PCDHA7: variants seen among roughly 807,000 people sequenced by gnomAD.
The protein encoded by PCDHA7 is protocadherin alpha 7, also known as protocadherin alpha-7.
Under a neutral mutation model 57.2 loss-of-function variants are expected in PCDHA7, and 37 were observed. That is an observed-to-expected ratio of 0.65 (90% CI 0.50 to 0.85). PCDHA7 has a LOEUF of 0.85. Among genes scored for constraint, PCDHA7 ranks in the 40% least tolerant of loss-of-function variants. PCDHA7 has a pLI of 0.00. For synonymous variants in PCDHA7, 553 were observed against 558.8 expected (o/e 0.99, Z 0.15); for missense variants, 1,188 against 1,241.8 (o/e 0.96, Z 0.65).
chr5:140,877,268 C>T, intron 1 of PCDHA7: 1 of 1,613,828 alleles, frequency 6.2e-7, no homozygotes, highest in South Asian at 1.1e-5. Flanking sequence ...GCGGTGGACG[C>T]TGACTCCGGC....
At chr5:140,929,276 G>A (rs1554206920) in intron 1 of PCDHA7, 2 of 1,604,822 alleles carry the variant, frequency 1.2e-6, no homozygotes, top group African/African-American at 1.3e-5. Flanking sequence ...CCAATATCCT[G>A]TATTCAGATT....
chr5:140,883,787 T>C (rs2059820580), intron 1 of PCDHA7: 2 of 1,612,408 alleles, frequency 1.2e-6, no homozygotes, highest in Non-Finnish European at 1.7e-6. Context: ...GCTGTCGAGC[T>C]ACGTGTCGGT....
chr5:140,843,822 A>T, intron 1 of PCDHA7: 1 of 1,214,324 alleles, frequency 8.2e-7, no homozygotes, highest in Non-Finnish European at 1.2e-6. Context: ...GTGAAAATTT[A>T]AACATTGTTT....
At chr5:140,869,355 G>A (rs782391359) in intron 1 of PCDHA7, 19 of 1,614,012 alleles carry the variant, frequency 1.2e-5, no homozygotes, top group Admixed American at 1.7e-5. Context: ...ATGGCATTTT[G>A]TTTGTGAATT....
intron 1 of PCDHA7, among the ~76,000 whole-genome samples, chr5:140,934,422 A>G (rs2089824417): frequency 1.3e-5 from 2 of 152,176 alleles, no homozygotes; most frequent in South Asian, 2.1e-4. Flanking sequence ...TGCATTATCA[A>G]TGCAAGTGTA....
chr5:140,921,268 C>G (rs2080134153), intron 1 of PCDHA7, among the ~76,000 whole-genome samples: 1 of 151,980 alleles, frequency 6.6e-6, no homozygotes, highest in Non-Finnish European at 1.5e-5. Context: ...GACTTTTATA[C>G]TTACTTGAAA....
chr5:140,863,256 C>T (rs761621534), intron 1 of PCDHA7: 6 of 1,442,182 alleles, frequency 4.2e-6, no homozygotes, highest in Non-Finnish European at 4.7e-6. Flanking sequence ...GCGTCGAGGT[C>T]CGGGAGGCAG....
chr5:140,834,585 T>C lies in PCDHA7; in HGVS notation c.202T>C (p.Cys68Arg). The change falls in exon 1 of 4, where the codon TGC becomes CGC. Residue 68 changes from cysteine (C) to arginine (R), a missense_variant. Physicochemically the swap from Cys to Arg is radical, Grantham distance 180 (BLOSUM62 -3). Around this residue, in one of 3 missense-constraint regions of PCDHA7, gnomAD observed 194 missense variants for 185.8 expected, o/e 1.04. Transcript: ENST00000525929. Reference protein sequence around the residue: ...ELVPRLFRAVCKFRGDLLEVN... With the variant: ...ELVPRLFRAVRKFRGDLLEVN... ...GGTGCCGCGCCTGTTCCGGGCGGTG[T>C]GCAAATTCCGTGGGGATCTTCTGGA... 6.2e-7 allele frequency: 1 copy of C among 1,614,126 alleles called. No homozygotes were observed. Among genetic ancestry groups the C allele is most frequent in the South Asian group, 1.1e-5 (1 of 91,086 alleles).
intron 1 of PCDHA7, among the ~76,000 whole-genome samples, chr5:140,931,204 A>G (rs782790968): frequency 7.2e-5 from 11 of 152,176 alleles, no homozygotes; most frequent in Non-Finnish European, 1.5e-4. Context: ...CAATGCTAGT[A>G]TTTCAGGTAT....
intron 3 of PCDHA7, among the ~76,000 whole-genome samples, chr5:140,986,342 C>G (rs1390823261): frequency 4.6e-5 from 7 of 152,184 alleles, no homozygotes; most frequent in African/African-American, 1.7e-4. Flanking sequence ...ACAGTTGCAG[C>G]CTCTTCTTCA....
chr5:140,888,059 T>C (rs1562834280), intron 1 of PCDHA7, among the ~76,000 whole-genome samples: 1 of 152,232 alleles, frequency 6.6e-6, no homozygotes, highest in African/African-American at 2.4e-5. Context: ...TGTTTTAACT[T>C]TCTTGTCTGC....
intron 1 of PCDHA7, chr5:140,969,336 GA>G: frequency 2.5e-6 from 4 of 1,613,996 alleles, no homozygotes; most frequent in Non-Finnish European, 3.4e-6. Context: ...AATGAGGTGA[GA>G]CAGTGGTCAG....
intron 1 of PCDHA7, among the ~76,000 whole-genome samples, chr5:140,838,812 C>T (rs1475973999): frequency 6.6e-6 from 1 of 151,910 alleles, no homozygotes; most frequent in Non-Finnish European, 1.5e-5. Context: ...GTTTCAGCTA[C>T]TCAAGAAACT....
At chr5:140,857,932 C>T in intron 1 of PCDHA7, 1 of 1,597,630 alleles carries the variant, frequency 6.3e-7, no homozygotes, top group East Asian at 2.2e-5. Flanking sequence ...TGTACACGGG[C>T]GAGATCAGTA....
At chr5:140,910,074 G>T (rs2074869064) in intron 1 of PCDHA7, among the ~76,000 whole-genome samples, 1 of 152,162 alleles carries the variant, frequency 6.6e-6, no homozygotes, top group South Asian at 2.1e-4. Context: ...AGCGTAAATT[G>T]TTGTCAAGGG....
At chr5:140,997,697 T>C (rs2153948518) in intron 3 of PCDHA7, among the ~76,000 whole-genome samples, 1 of 151,394 alleles carries the variant, frequency 6.6e-6, no homozygotes. Flanking sequence ...TGTGTGTGTG[T>C]ATGTTAACAA....
intron 1 of PCDHA7, chr5:140,841,587 G>A: frequency 6.2e-7 from 1 of 1,614,074 alleles, no homozygotes; most frequent in Middle Eastern, 1.7e-4. Context: ...GTGAATTCTC[G>A]GATCGACCGC....
chr5:140,948,150 T>C (rs1477987526), intron 1 of PCDHA7, among the ~76,000 whole-genome samples: 2 of 151,642 alleles, frequency 1.3e-5, no homozygotes, highest in Non-Finnish European at 3.0e-5. Flanking sequence ...TTTTTGAATG[T>C]TGGAAAAAAC....
At chr5:140,877,155 C>T in intron 1 of PCDHA7, 2 of 1,613,798 alleles carry the variant, frequency 1.2e-6, no homozygotes, top group Non-Finnish European at 1.7e-6. Context: ...AGAACGACAA[C>T]GCGCCGGCAC....
Sources: gnomAD v4.1 joint callset for allele counts (sites outside exome capture counted in the v4.1 genomes callset) on GRCh38, gnomAD v4.1.1 for gene constraint, gnomAD v4.1.1 regional missense constraint, MANE v1.5 for transcripts, NCBI Gene and HGNC (gene_info 2026-07-23, HGNC 2026-07-21) for gene names.